LRRFIP2: variants seen among roughly 807,000 people sequenced by gnomAD.
LRRFIP2 encodes the protein leucine-rich repeat flightless-interacting protein 2.
LRRFIP2 carries 109 observed loss-of-function variants against 125.9 expected under a neutral mutation model. The observed-to-expected ratio is 0.87, with a 90% CI of 0.74 to 1.01. LRRFIP2 has a LOEUF of 1.01. LRRFIP2 is among the 50% of genes least tolerant of loss of function. The pLI is 0.00. For synonymous variants in LRRFIP2, 291 were observed against 293.1 expected (o/e 0.99, Z 0.07); for missense variants, 850 against 862.3 (o/e 0.99, Z 0.18).
At chr3:37,165,795 GAGAAAGAAAGAA>G (rs780657651) in intron 1 of LRRFIP2, among the ~76,000 whole-genome samples, 5 of 17,998 alleles carry the variant, frequency 2.8e-4, no homozygotes, top group Non-Finnish European at 4.1e-4. Context: ...GAGAAAGAAA[GAGAAAGAAAGAA>G]AGAAAGAAAG....
intron 11 of LRRFIP2, among the ~76,000 whole-genome samples, 158 bp downstream of exon 11, chr3:37,109,369 G>A (rs1016826084): frequency 1.3e-5 from 2 of 152,170 alleles, no homozygotes; most frequent in Admixed American, 1.3e-4. Flanking sequence ...ATACCCTAAA[G>A]TTGTATATTT....
At chr3:37,120,578 T>C (rs2094985801) in intron 6 of LRRFIP2, among the ~76,000 whole-genome samples, 1 of 152,072 alleles carries the variant, frequency 6.6e-6, no homozygotes, top group Admixed American at 6.6e-5. Flanking sequence ...AATATAAACA[T>C]GTCAATAACT....
intron 24 of LRRFIP2, among the ~76,000 whole-genome samples, chr3:37,062,833 C>G (rs2089164783): frequency 6.6e-6 from 1 of 152,096 alleles, no homozygotes; most frequent in Non-Finnish European, 1.5e-5. Flanking sequence ...CAGGAAGCTA[C>G]TGGAAGATGT....
At chr3:37,117,000 C>A (rs767946841) in intron 6 of LRRFIP2, among the ~76,000 whole-genome samples, 6 of 151,564 alleles carry the variant, frequency 4.0e-5, no homozygotes, top group Non-Finnish European at 7.4e-5. Flanking sequence ...TTCTAAAATG[C>A]GTAATAGTAT....
At chr3:37,083,870 A>G (rs2092834146) in intron 18 of LRRFIP2, 64 bp from the exon 19 acceptor site, 3 of 1,230,866 alleles carry the variant, frequency 2.4e-6, no homozygotes, top group Non-Finnish European at 2.3e-6. Flanking sequence ...GCAATATAAC[A>G]GGAAATTATA....
In LRRFIP2 at chr3:37,112,928, T is replaced by C; in HGVS notation, c.425A>G (p.His142Arg). 1 of 1,574,160 alleles carries C rather than the reference T, an allele frequency of 6.4e-7. No homozygotes were observed. Among genetic ancestry groups the C allele is most frequent in the Non-Finnish European group, 8.7e-7 (1 of 1,148,984 alleles). ...AACAGAACTAACCAGTAGGTCTTTA[T>C]GAGAATCAGAAGACCTCTTCTTCAT... Reference protein sequence around the residue: ...HGMKKRSSDSHKDLLSGLYFD... With the variant: ...HGMKKRSSDSRKDLLSGLYFD... Residue 142 changes from histidine (H) to arginine (R), a missense_variant, in exon 8 of 28, where the codon CAT becomes CGT. Coordinates refer to ENST00000336686, the MANE Select transcript of LRRFIP2 (RefSeq NM_006309.4).
chr3:37,054,204 C>T (rs984444266), intron 27 of LRRFIP2, among the ~76,000 whole-genome samples: 3 of 152,184 alleles, frequency 2.0e-5, no homozygotes, highest in African/African-American at 7.2e-5. Context: ...AGCAAAAATA[C>T]AAACTATCTT....
In LRRFIP2 at chr3:37,054,397, A is replaced by T. The variant is rs746309872; in HGVS notation, c.2055+14T>A. On this transcript the variant is annotated intron_variant, in intron 27 of 27. Transcript: ENST00000336686. ...TAGGAATGTATTCTCCAAGAAACAT[A>T]TTAAAAGAAGTACCTCTCGTTGTAG... 13 of 1,587,946 alleles carry T rather than the reference A, an allele frequency of 8.2e-6. No homozygotes were observed. The highest frequency in any genetic ancestry group is 1.1e-5 in the Non-Finnish European group (13 of 1,157,972).
intron 2 of LRRFIP2, among the ~76,000 whole-genome samples, chr3:37,143,350 C>T (rs1194175665): frequency 1.3e-5 from 2 of 152,166 alleles, no homozygotes; most frequent in Non-Finnish European, 2.9e-5. Flanking sequence ...TTCGTCAGGA[C>T]AACATGGTCA....
At chr3:37,166,502 A>G (rs2096492410) in intron 1 of LRRFIP2, among the ~76,000 whole-genome samples, 2 of 152,176 alleles carry the variant, frequency 1.3e-5, no homozygotes, top group Admixed American at 1.3e-4. Context: ...CAAAAACCCA[A>G]TTAAAAAGAT....
intron 1 of LRRFIP2, among the ~76,000 whole-genome samples, chr3:37,159,958 T>C (rs954097825): frequency 4.3e-4 from 56 of 130,166 alleles, no homozygotes; most frequent in African/African-American, 1.6e-3. Context: ...GGCAGGAGGA[T>C]TGCTTGAGCC....
Position 37,156,246 on chromosome 3 carries a change from G to A in LRRFIP2, c.-55-7208C>T, listed in dbSNP as rs373935062. ...TGTAATCCCAGCACTCTGCGAGGCCGAGGCAGGCAAGTTGCTTGAGCCCAG... is the reference window on the plus strand; with the variant it reads ...TGTAATCCCAGCACTCTGCGAGGCCAAGGCAGGCAAGTTGCTTGAGCCCAG... On this transcript the variant is annotated intron_variant, in intron 1 of 27. Transcript: ENST00000336686. Among the ~76,000 whole-genome samples the A allele has an allele frequency of 5.3e-5, 8 of 152,154 alleles. No homozygotes were observed. In the East Asian group the frequency reaches 5.8e-4, roughly 11 times the overall value.
At chr3:37,167,522 C>G (rs544462709) in intron 1 of LRRFIP2, among the ~76,000 whole-genome samples, 1 of 151,190 alleles carries the variant, frequency 6.6e-6, no homozygotes, top group African/African-American at 2.4e-5. Flanking sequence ...GGCGTGGTGG[C>G]GGGTGCCCAT....
At position 37,147,458 on chromosome 3, in the gene LRRFIP2, T is replaced by C. The variant is rs148810932; in HGVS notation, c.90+1436A>G. On this transcript the variant is annotated intron_variant, in intron 2 of 27. Transcript: ENST00000336686. ...CATGGAATCAACCCAAACGCTCTCATTGATTTTTAATGTATTTTTGTTATA... is the reference window on the plus strand; with the variant it reads ...CATGGAATCAACCCAAACGCTCTCACTGATTTTTAATGTATTTTTGTTATA... Among the ~76,000 whole-genome samples the C allele has an allele frequency of 3.3e-3, 503 of 152,316 alleles. 6 individuals are homozygous for C. Among genetic ancestry groups the C allele is most frequent in the East Asian group, 7.9e-3 (41 of 5,190 alleles).
chr3:37,156,531 G>A (rs950317826), intron 1 of LRRFIP2, among the ~76,000 whole-genome samples: 9 of 151,174 alleles, frequency 6.0e-5, no homozygotes, highest in East Asian at 5.9e-4. Context: ...AAAATTAGCC[G>A]GGCGTGGTGG....
chr3:37,055,025 G>C lies in LRRFIP2; in HGVS notation c.1950+61C>G, dbSNP rs370380353. 38 of 1,113,724 alleles carry C rather than the reference G, an allele frequency of 3.4e-5. No individual in the cohort carries two copies. The African/African-American group carries it at 5.2e-4, about 15-fold the overall frequency. 69.0% of individuals were successfully genotyped at this position (1,113,724 alleles called of 1,614,324 possible). On this transcript the variant is annotated intron_variant, in intron 26 of 27. Coordinates refer to ENST00000336686, the MANE Select transcript of LRRFIP2 (RefSeq NM_006309.4). The stretch of plus-strand genomic sequence containing the variant: ...AAGGCAACCCAGGCACTCATGGGTT[G>C]TTAGCCACTTAGATGCAGGAAGGAC...
intron 3 of LRRFIP2, among the ~76,000 whole-genome samples, chr3:37,128,779 A>G (rs915830614): frequency 9.2e-5 from 14 of 152,204 alleles, no homozygotes; most frequent in African/African-American, 3.4e-4. Flanking sequence ...GCTATACTAC[A>G]CTTTGTCATT....
chr3:37,055,062 T>C (rs528242746), intron 26 of LRRFIP2, 24 bp downstream of exon 26: 2 of 1,491,706 alleles, frequency 1.3e-6, no homozygotes, highest in South Asian at 2.3e-5. Flanking sequence ...TTTAAATAAC[T>C]TAGTACCATA....
At chr3:37,110,557 G>A in intron 9 of LRRFIP2, among the ~76,000 whole-genome samples, 1 of 152,026 alleles carries the variant, frequency 6.6e-6, no homozygotes, top group East Asian at 1.9e-4. Flanking sequence ...ATTTTTATAT[G>A]TAAGCTTTTT....
Sources: gnomAD v4.1 joint callset for allele counts (sites outside exome capture counted in the v4.1 genomes callset) on GRCh38, gnomAD v4.1.1 for gene constraint, MANE v1.5 for transcripts, NCBI Gene and HGNC (gene_info 2026-07-23, HGNC 2026-07-21) for gene names.